Variants in HS1BP3 observed in about 807,000 individuals in gnomAD.
HS1BP3 encodes HCLS1-binding protein 3.
Under a neutral mutation model 33.5 loss-of-function variants are expected in HS1BP3, and 32 were observed. That is an observed-to-expected ratio of 0.95 (90% confidence interval 0.72 to 1.28). HS1BP3 has a LOEUF of 1.28. Among genes scored for constraint, HS1BP3 ranks in the 50% most tolerant of loss-of-function variants. The pLI, the probability that HS1BP3 is intolerant of heterozygous loss-of-function variation, is 0.00. For synonymous variants in HS1BP3, 187 were observed against 209.2 expected (o/e 0.89, Z 0.92); for missense variants, 486 against 502.3 (o/e 0.97, Z 0.31).
chr2:20,594,398 A>G (rs1693898494), intron 3 of HS1BP3, among the ~76,000 whole-genome samples: 1 of 152,136 alleles, frequency 6.6e-6, no homozygotes, highest in African/African-American at 2.4e-5. Flanking sequence ...ATCCTTTTTG[A>G]GCTTACTTTG....
chr2:20,632,287 G>C (rs1694992466), intron 4 of HS1BP3, among the ~76,000 whole-genome samples: 1 of 152,224 alleles, frequency 6.6e-6, no homozygotes, highest in Non-Finnish European at 1.5e-5. Flanking sequence ...AACCATTGCT[G>C]GTTCTCACAT....
intron 5 of HS1BP3, among the ~76,000 whole-genome samples, chr2:20,570,025 A>G (rs2149272087): frequency 6.6e-6 from 1 of 152,224 alleles, no homozygotes; most frequent in South Asian, 2.1e-4. Context: ...AAGCAAACCG[A>G]ACATTGATCC....
intron 2 of HS1BP3, among the ~76,000 whole-genome samples, chr2:20,644,071 C>A (rs1317585427): frequency 2.0e-5 from 3 of 152,204 alleles, no homozygotes; most frequent in Non-Finnish European, 4.4e-5. Flanking sequence ...CCGTGTCACT[C>A]CCTGCTGTAC....
chr2:20,602,751 A>C (rs1694098492), intron 2 of HS1BP3, among the ~76,000 whole-genome samples: 1 of 152,260 alleles, frequency 6.6e-6, no homozygotes, highest in Non-Finnish European at 1.5e-5. Flanking sequence ...AAAATTTTAA[A>C]GTTTTGTGCT....
chr2:20,650,704 G>C (rs1036913707), intron 1 of HS1BP3, among the ~76,000 whole-genome samples: 8 of 152,170 alleles, frequency 5.3e-5, no homozygotes, highest in African/African-American at 1.7e-4. Flanking sequence ...CTAGATTTTC[G>C]GGCTCAAAAG....
At chr2:20,644,805 C>G (rs1171253633) in intron 2 of HS1BP3, among the ~76,000 whole-genome samples, 1 of 152,214 alleles carries the variant, frequency 6.6e-6, no homozygotes, top group Non-Finnish European at 1.5e-5. Flanking sequence ...CTCTCCTTGG[C>G]TGCAGGTTAA....
intron 2 of HS1BP3, chr2:20,598,340 G>T: frequency 3.5e-6 from 1 of 285,022 alleles, no homozygotes; most frequent in Non-Finnish European, 7.6e-6. Flanking sequence ...AAGATCTCTT[G>T]AATGAGCAAG....
rs180836305 is a variant in HS1BP3 at position 20,626,954 on chromosome 2, A to G, written c.624-2062T>C. ...AGGAAGTGGGTACCAAACAAGGGCCATGGCCTCCTGGGGCAGACAGCAAAG... is the reference window on the plus strand; with the variant it reads ...AGGAAGTGGGTACCAAACAAGGGCCGTGGCCTCCTGGGGCAGACAGCAAAG... On this transcript the variant is annotated intron_variant, in intron 4 of 6. Transcript: ENST00000304031. 1.5e-4 allele frequency among the ~76,000 whole-genome samples: 23 copies of G among 152,290 alleles called. No homozygotes were observed. In the East Asian group the frequency reaches 4.1e-3, roughly 27 times the overall value.
intron 5 of HS1BP3, among the ~76,000 whole-genome samples, chr2:20,579,652 C>T (rs1253452881): frequency 1.3e-5 from 2 of 152,170 alleles, no homozygotes; most frequent in Non-Finnish European, 2.9e-5. Context: ...CACTGAGCTG[C>T]CTGGGACCCT....
chr2:20,639,004 C>T (rs527332982), intron 3 of HS1BP3, among the ~76,000 whole-genome samples: 1 of 152,382 alleles, frequency 6.6e-6, no homozygotes, highest in African/African-American at 2.4e-5. Context: ...TGGCTGCACC[C>T]TCCTCCCGGG....
At chr2:20,588,884 C>G (rs1051549130), downstream of HS1BP3, among the ~76,000 whole-genome samples, 8 of 152,208 alleles carry the variant, frequency 5.3e-5, no homozygotes, top group African/African-American at 1.9e-4. Context: ...GCAGGCTCAG[C>G]CTTCTGAGAG....
rs182543039 is a variant in HS1BP3, at chr2:20,628,850, A to G, written c.624-3958T>C. 2.0e-4 allele frequency among the ~76,000 whole-genome samples: 31 copies of G among 152,268 alleles called. No homozygotes were observed. In the East Asian group the frequency reaches 4.4e-3, roughly 22 times the overall value. On this transcript the variant is annotated intron_variant, in intron 4 of 6. Transcript: ENST00000304031. ...ACTGTGAGGGTCTGCAGCGGGCGTG[A>G]CTAGGACATAACTGGGAACCCAGAT...
chr2:20,638,346 G>C (rs866876580), intron 4 of HS1BP3, 90 bp downstream of exon 4: 1 of 1,324,234 alleles, frequency 7.6e-7, no homozygotes, highest in Non-Finnish European at 1.0e-6. Context: ...GGGATGCTCA[G>C]GGCTTTTCTC....
At chr2:20,640,681 G>T in intron 3 of HS1BP3, 1 of 576,212 alleles carries the variant, frequency 1.7e-6, no homozygotes, top group South Asian at 2.6e-5. Context: ...GGGGGGTGTC[G>T]GGCAAGCTCT....
At chr2:20,608,685 G>A (rs1275021687) in intron 2 of HS1BP3, among the ~76,000 whole-genome samples, 4 of 151,778 alleles carry the variant, frequency 2.6e-5, no homozygotes, top group Admixed American at 2.6e-4. Flanking sequence ...ACTCTCATTG[G>A]CTCATCCTCT....
chr2:20,608,355 A>C (rs999864104), intron 2 of HS1BP3, among the ~76,000 whole-genome samples: 2 of 151,928 alleles, frequency 1.3e-5, no homozygotes, highest in Non-Finnish European at 2.9e-5. Context: ...CGGGAGGATC[A>C]CCTGAGGTTG....
chr2:20,573,853 C>A (rs1312781283), intron 5 of HS1BP3, among the ~76,000 whole-genome samples: 1 of 152,244 alleles, frequency 6.6e-6, no homozygotes. Flanking sequence ...AGACACAACA[C>A]CGCCATCCCC....
chr2:20,629,408 C>G (rs1694901616), intron 4 of HS1BP3, among the ~76,000 whole-genome samples: 1 of 152,210 alleles, frequency 6.6e-6, no homozygotes. Flanking sequence ...TCTGCACTGA[C>G]AGGAGACAAA....
intron 3 of HS1BP3, among the ~76,000 whole-genome samples, chr2:20,595,241 C>A (rs1170697542): frequency 6.6e-6 from 1 of 152,134 alleles, no homozygotes; most frequent in Non-Finnish European, 1.5e-5. Context: ...AACGCCATGG[C>A]CCGGGAACAG....
Sources: gnomAD v4.1 joint callset for allele counts (sites outside exome capture counted in the v4.1 genomes callset) on GRCh38, gnomAD v4.1.1 for gene constraint, MANE v1.5 for transcripts, NCBI Gene and HGNC (gene_info 2026-07-23, HGNC 2026-07-21) for gene names.